Variants in COX7A2L observed in about 807,000 individuals in gnomAD.
COX7A2L encodes the protein cytochrome c oxidase subunit 7A2 like.
A neutral mutation model predicts 14.2 loss-of-function variants in COX7A2L; 18 were observed. The ratio of observed to expected loss-of-function variants is 1.27; its 90% CI spans 0.88 to 1.88. The LOEUF is 1.88. Among genes scored for constraint, COX7A2L ranks in the 40% most tolerant of loss-of-function variants. The probability of loss-of-function intolerance (pLI) is 0.00; values close to 1 mark genes in which losing one functional copy is unlikely to be tolerated. For missense variants in COX7A2L, 179 were observed against 138.8 expected, an observed-to-expected ratio of 1.29 and a Z score of -1.46; for synonymous variants, 65 against 57.4, an observed-to-expected ratio of 1.13 and a Z score of -0.60.
At chr2:42,343,879 T>C (rs907130616) in intron 2 of COX7A2L, among the ~76,000 whole-genome samples, 6 of 152,128 alleles carry the variant, frequency 3.9e-5, no homozygotes, top group Non-Finnish European at 5.9e-5. Context: ...GCCAGTGTTA[T>C]CAAAGCCACA....
rs1670422379 is a variant in COX7A2L at position 42,342,663 on chromosome 2, C to T, written c.193-8794G>A. Among the ~76,000 whole-genome samples the T allele has an allele frequency of 6.6e-6, 1 of 152,128 alleles. No individual in the cohort carries two copies. The highest frequency in any genetic ancestry group is 2.1e-4 in the South Asian group (1 of 4,828). On this transcript the variant is annotated intron_variant, in intron 2 of 2. Coordinates refer to the COX7A2L transcript ENST00000468711. The surrounding 1 kb of genome is among the most constrained non-coding windows in gnomAD (Gnocchi z 4.9). Reference sequence around the variant, plus strand: ...CCTGTGCTTTGGCCCTGAGGCACAGCCATGTGACCATGACTAATCTATGTC... The same window carrying T: ...CCTGTGCTTTGGCCCTGAGGCACAGTCATGTGACCATGACTAATCTATGTC...
intron 2 of COX7A2L, among the ~76,000 whole-genome samples, chr2:42,341,461 C>T (rs1251564422): frequency 1.3e-5 from 2 of 152,210 alleles, no homozygotes; most frequent in East Asian, 3.9e-4. Context: ...CACTCCTTAA[C>T]TTCCTTTCCC....
At chr2:42,336,527 T>C (rs1670277399) in intron 2 of COX7A2L, among the ~76,000 whole-genome samples, 1 of 152,154 alleles carries the variant, frequency 6.6e-6, no homozygotes, top group Non-Finnish European at 1.5e-5. Context: ...TCCCATCTCA[T>C]GCTTGACTGA....
intron 1 of COX7A2L, among the ~76,000 whole-genome samples, chr2:42,354,263 G>A (rs1174877801): frequency 6.6e-6 from 1 of 151,920 alleles, no homozygotes; most frequent in East Asian, 1.9e-4. Flanking sequence ...TCTCAATAAA[G>A]CTGCTTTAAA....
chr2:42,336,017 T>C lies in COX7A2L; in HGVS notation c.193-2148A>G, dbSNP rs1670262977. 2.0e-5 allele frequency among the ~76,000 whole-genome samples: 3 copies of C among 152,194 alleles called. No homozygotes were observed. In the South Asian group the frequency reaches 6.2e-4, roughly 32 times the overall value. ...TGACCATGGGCACAGAAGTCCTCAG[T>C]CCCTAATGTTCAATTTAAACCTATT... On this transcript the variant is annotated intron_variant, in intron 2 of 2. Coordinates refer to the COX7A2L transcript ENST00000468711.
upstream of COX7A2L, among the ~76,000 whole-genome samples, chr2:42,363,000 G>A (rs1036996845): frequency 5.9e-5 from 9 of 151,452 alleles, no homozygotes; most frequent in South Asian, 8.3e-4. Context: ...TCAGTCTCCC[G>A]GGTAGCTGGA....
At chr2:42,347,826 CAGG>C (rs1209978172), downstream of COX7A2L, among the ~76,000 whole-genome samples, 1 of 152,124 alleles carries the variant, frequency 6.6e-6, no homozygotes, top group Non-Finnish European at 1.5e-5. Flanking sequence ...GAGGCTGAGG[CAGG>C]AGAACTGCTT....
intron 1 of COX7A2L, among the ~76,000 whole-genome samples, chr2:42,366,906 G>A (rs1166014811): frequency 1.3e-5 from 2 of 152,140 alleles, no homozygotes; most frequent in African/African-American, 4.8e-5. Context: ...TCAGACTAGA[G>A]CTGTCAGGTG....
downstream of COX7A2L, among the ~76,000 whole-genome samples, chr2:42,345,783 C>G (rs1043790298): frequency 6.6e-6 from 1 of 152,126 alleles, no homozygotes; most frequent in African/African-American, 2.4e-5. Context: ...TCATGTGAAC[C>G]CAGAGCACTG....
intron 2 of COX7A2L, chr2:42,352,936 T>TCAATAATTG: frequency 4.1e-6 from 2 of 492,270 alleles, no homozygotes. Flanking sequence ...GGCTATTGCT[T>TCAATAATTG]CTTCCATGCA....
At chr2:42,341,140 G>A (rs952065121) in intron 2 of COX7A2L, among the ~76,000 whole-genome samples, 2 of 152,120 alleles carry the variant, frequency 1.3e-5, no homozygotes, top group Non-Finnish European at 2.9e-5. Context: ...AGTCCCACAG[G>A]GGGACACAGT....
Position 42,353,342 on chromosome 2 carries a change from C to G in COX7A2L, c.74G>C (p.Gly25Ala). ...TTCTGTGGAAACCACAGGCTTTAAT[C>G]CCTGTAGAGAAAAAAAGGAAAATGG... Reference protein sequence around the residue: ...AWASEAYSPQGLKPVVSTEAP... With the variant: ...AWASEAYSPQALKPVVSTEAP... Residue 25 changes from glycine (G) to alanine (A), a missense_variant and splice_region_variant, in exon 2 of 3, where the codon GGA becomes GCA. Gly to Ala is a moderately conservative substitution (Grantham distance 60, BLOSUM62 0). Coordinates refer to ENST00000234301, the MANE Select transcript of COX7A2L (RefSeq NM_004718.4). 1.2e-6 allele frequency: 2 copies of G among 1,612,732 alleles called. No individual in the cohort carries two copies. The highest frequency in any genetic ancestry group is 1.7e-6 in the Non-Finnish European group (2 of 1,179,630).
At chr2:42,360,468 T>C (rs1670989097) in intron 1 of COX7A2L, among the ~76,000 whole-genome samples, 1 of 152,274 alleles carries the variant, frequency 6.6e-6, no homozygotes, top group South Asian at 2.1e-4. Context: ...ATTGGTAGAA[T>C]CTGCGTGAAA....
At chr2:42,336,075 C>G (rs1273059102) in intron 2 of COX7A2L, among the ~76,000 whole-genome samples, 1 of 152,228 alleles carries the variant, frequency 6.6e-6, no homozygotes, top group Admixed American at 6.5e-5. Context: ...ATTATCCAGG[C>G]TTTGGGCAAT....
rs891884381 is a variant in COX7A2L, at chr2:42,342,950, A to C, written c.193-9081T>G. Among the ~76,000 whole-genome samples the C allele has an allele frequency of 3.9e-5, 6 of 152,104 alleles. No individual in the cohort carries two copies. The highest frequency in any genetic ancestry group is 7.4e-5 in the Non-Finnish European group (5 of 67,998). Reference sequence around the variant, plus strand: ...GCACCGTGGAGCCACAGAGGTCAGGAGGCCTGATTCCAGCTTATGCAAGTG... The same window carrying C: ...GCACCGTGGAGCCACAGAGGTCAGGCGGCCTGATTCCAGCTTATGCAAGTG... On this transcript the variant is annotated intron_variant, in intron 2 of 2. Coordinates refer to the COX7A2L transcript ENST00000468711. The surrounding 1 kb of genome is among the most constrained non-coding windows in gnomAD (Gnocchi z 4.9).
At chr2:42,336,674 G>C (rs1327745399) in intron 2 of COX7A2L, among the ~76,000 whole-genome samples, 1 of 152,192 alleles carries the variant, frequency 6.6e-6, no homozygotes, top group East Asian at 1.9e-4. Flanking sequence ...AGGGAAACCA[G>C]AAGCTGGAGC....
chr2:42,347,476 T>A (rs12986823), downstream of COX7A2L, among the ~76,000 whole-genome samples: 1 of 151,852 alleles, frequency 6.6e-6, no homozygotes, highest in African/African-American at 2.4e-5. Context: ...AGCAAAAAAT[T>A]TGAAACTGAA....
At chr2:42,355,961 G>C (rs1468790684) in intron 1 of COX7A2L, among the ~76,000 whole-genome samples, 3 of 151,952 alleles carry the variant, frequency 2.0e-5, no homozygotes, top group Non-Finnish European at 4.4e-5. Flanking sequence ...CCTGACCTCA[G>C]GTGATCCACC....
downstream of COX7A2L, among the ~76,000 whole-genome samples, chr2:42,346,588 GGCAACACAGCA>G (rs1456995265): frequency 1.3e-5 from 2 of 151,966 alleles, no homozygotes; most frequent in African/African-American, 2.4e-5. Flanking sequence ...GACCAGCCTG[GGCAACACAGCA>G]GCAAGACCTC....
Sources: allele counts gnomAD v4.1 joint callset (sites outside exome capture counted in the v4.1 genomes callset), GRCh38; gene constraint gnomAD v4.1.1; non-coding constraint Gnocchi (gnomAD v3.1); transcripts MANE v1.5; gene names NCBI Gene and HGNC (gene_info 2026-07-23, HGNC 2026-07-21).